The following PHIP variants were observed in gnomAD, a reference collection of about 807,000 sequenced individuals.
The protein encoded by PHIP is PH-interacting protein.
In PHIP, 54 loss-of-function variants were observed where a neutral mutation model predicts 236.8. That is an observed-to-expected ratio of 0.23 (90% confidence interval 0.18 to 0.29). The LOEUF (loss-of-function observed/expected upper bound fraction) is 0.29. Ranked by LOEUF, PHIP falls within the 10% of genes least tolerant of loss-of-function variation. The probability of loss-of-function intolerance (pLI) is 1.00; values close to 1 mark genes in which losing one functional copy is unlikely to be tolerated. For synonymous variants in PHIP, 756 were observed against 718.9 expected, an observed-to-expected ratio of 1.05 and a Z score of -0.83; for missense variants, 1,370 against 2,190.8, an observed-to-expected ratio of 0.63 and a Z score of 7.48.
At chr6:79,072,322 A>AT (rs1399575044) in intron 4 of PHIP, among the ~76,000 whole-genome samples, 1 of 152,232 alleles carries the variant, frequency 6.6e-6, no homozygotes. Flanking sequence ...TCAGTGTTCC[A>AT]TAAAAACAAG....
At chr6:79,059,715 G>T (rs1444038739) in intron 6 of PHIP, among the ~76,000 whole-genome samples, 1 of 150,660 alleles carries the variant, frequency 6.6e-6, no homozygotes, top group Non-Finnish European at 1.5e-5. Context: ...ACAGGTGGAA[G>T]AAAGAAGAGT....
chr6:79,063,818 T>C (rs1337815760), intron 4 of PHIP, among the ~76,000 whole-genome samples: 1 of 152,180 alleles, frequency 6.6e-6, no homozygotes, highest in Non-Finnish European at 1.5e-5. Context: ...GAAAGTATCT[T>C]ACTTAAGTGG....
intron 31 of PHIP, among the ~76,000 whole-genome samples, chr6:78,960,261 TACA>T (rs1010955418): frequency 6.6e-6 from 1 of 152,168 alleles, no homozygotes; most frequent in African/African-American, 2.4e-5. Flanking sequence ...GTGAGATATT[TACA>T]ACAATATTGG....
chr6:79,056,418 AGTCTTGTGTG>A (rs762964097), intron 6 of PHIP, among the ~76,000 whole-genome samples: 11 of 152,182 alleles, frequency 7.2e-5, no homozygotes, highest in Non-Finnish European at 1.0e-4. Context: ...GGAAAAGGTC[AGTCTTGTGTG>A]ACACATTAAA....
At chr6:78,945,187 T>A in intron 39 of PHIP, 113 bp downstream of exon 39, 2 of 737,312 alleles carry the variant, frequency 2.7e-6, no homozygotes, top group East Asian at 2.5e-5. Context: ...CTAATACAGA[T>A]GTGTGACTTT....
chr6:79,026,992 C>A (rs1473714348), intron 7 of PHIP, among the ~76,000 whole-genome samples: 1 of 151,958 alleles, frequency 6.6e-6, no homozygotes, highest in African/African-American at 2.4e-5. Flanking sequence ...CACACTTTTG[C>A]AAAATTACTG....
intron 31 of PHIP, among the ~76,000 whole-genome samples, chr6:78,961,112 A>T (rs1766748413): frequency 2.0e-5 from 3 of 152,092 alleles, no homozygotes; most frequent in African/African-American, 7.2e-5. Flanking sequence ...GATTAAAGAC[A>T]TTCATCAAAA....
chr6:79,017,655 T>C, intron 10 of PHIP, 72 bp from the exon 11 acceptor site: 1 of 1,115,642 alleles, frequency 9.0e-7, no homozygotes, highest in East Asian at 2.5e-5. Flanking sequence ...GATAATAAAA[T>C]GTAAGCAAAA....
At position 78,982,965 on chromosome 6, in the gene PHIP, T is replaced by A; in HGVS notation, c.2690A>T (p.Lys897Met). 3 of 1,606,094 alleles carry A rather than the reference T, an allele frequency of 1.9e-6. No homozygotes were observed. Among genetic ancestry groups the A allele is most frequent in the South Asian group, 1.1e-5 (1 of 89,284 alleles). The part of the protein sequence containing the change: ...SEKQKQKQIK[K>M]EKKKVNEEKD... ...TTCTTCATTTACTTTTTTCTTTTCC[T>A]TTTTAATCTGTTTTTGCTTCTGTTT... Residue 897 changes from lysine to methionine, a missense_variant, in exon 23 of 40, where the codon AAG (lysine) becomes ATG (methionine). By Grantham distance (95) the Lys-to-Met change is moderately conservative (BLOSUM62 -1). Coordinates refer to ENST00000275034, the MANE Select transcript of PHIP (RefSeq NM_017934.7).
At chr6:79,028,790 G>A (rs1301605429) in intron 7 of PHIP, among the ~76,000 whole-genome samples, 2 of 152,108 alleles carry the variant, frequency 1.3e-5, no homozygotes, top group Admixed American at 1.3e-4. Flanking sequence ...TCACAATACT[G>A]ATACAATTCA....
At position 78,936,075 on chromosome 6, in the gene PHIP, G is replaced by GA. The variant is rs1773262372; in HGVS notation, c.*4617dup. 6.6e-6 allele frequency: 1 copy of GA among 151,964 alleles called. No homozygotes were observed. Among genetic ancestry groups the GA allele is most frequent in the East Asian group, 1.9e-4 (1 of 5,186 alleles). 9.4% of individuals were successfully genotyped at this position (151,964 alleles called of 1,614,324 possible). A position where few individuals can be genotyped will look rare whatever the true frequency, so the allele number is the denominator to read the frequency against. On this transcript the variant is annotated 3_prime_UTR_variant, in exon 40 of 40. Coordinates refer to ENST00000275034, the MANE Select transcript of PHIP (RefSeq NM_017934.7). ...AGAAAGGGCACTGCTATTCTGGTGT[G>GA]AAACTGCTGTTTATAATATGATACT...
intron 6 of PHIP, among the ~76,000 whole-genome samples, chr6:79,052,691 CA>C (rs768363660): frequency 6.6e-6 from 1 of 152,020 alleles, no homozygotes; most frequent in Non-Finnish European, 1.5e-5. Flanking sequence ...AGCTTGACAC[CA>C]AAATTATCAA....
chr6:79,027,993 G>C (rs1051538381), intron 7 of PHIP, among the ~76,000 whole-genome samples: 1 of 152,018 alleles, frequency 6.6e-6, no homozygotes, highest in African/African-American at 2.4e-5. Flanking sequence ...TTCTAACACT[G>C]CTTTTGCTGG....
chr6:78,973,109 G>GTTA (rs1030219321), intron 24 of PHIP, among the ~76,000 whole-genome samples: 1 of 152,110 alleles, frequency 6.6e-6, no homozygotes, highest in African/African-American at 2.4e-5. Context: ...AGGAAAAAAT[G>GTTA]TTAAGGGCAG....
At chr6:78,992,194 C>G (rs767468223) in intron 19 of PHIP, among the ~76,000 whole-genome samples, 3 of 152,016 alleles carry the variant, frequency 2.0e-5, no homozygotes, top group Non-Finnish European at 4.4e-5. Context: ...GATCTCCTGA[C>G]CTCGTGATCC....
intron 19 of PHIP, 94 bp downstream of exon 19, chr6:78,997,320 G>T (rs1437178124): frequency 1.9e-6 from 2 of 1,072,694 alleles, no homozygotes; most frequent in Non-Finnish European, 2.8e-6. Context: ...AATTTCAGAG[G>T]AATTACAGAG....
intron 31 of PHIP, 106 bp from the exon 32 acceptor site, chr6:78,958,706 C>G: frequency 1.4e-6 from 1 of 713,104 alleles, no homozygotes; most frequent in East Asian, 2.6e-5. Context: ...TCTAAACCAA[C>G]TGTAAAAACC....
intron 37 of PHIP, chr6:78,946,473 G>A: frequency 7.2e-7 from 1 of 1,398,118 alleles, no homozygotes; most frequent in Non-Finnish European, 9.2e-7. Context: ...AAAGCATGAT[G>A]CCATCACTAT....
intron 4 of PHIP, among the ~76,000 whole-genome samples, chr6:79,075,523 A>G (rs1307137170): frequency 6.6e-6 from 1 of 152,054 alleles, no homozygotes; most frequent in Non-Finnish European, 1.5e-5. Flanking sequence ...TGTATCTTAA[A>G]TCTGCGATGC....
Sources: gnomAD v4.1 joint callset for allele counts (sites outside exome capture counted in the v4.1 genomes callset) on GRCh38, gnomAD v4.1.1 for gene constraint, MANE v1.5 for transcripts, NCBI Gene and HGNC (gene_info 2026-07-23, HGNC 2026-07-21) for gene names.